Variants in IDUA observed in about 807,000 individuals in gnomAD.
The protein encoded by IDUA is iduronidase alpha-L-.
IDUA carries 65 observed loss-of-function variants against 68.9 expected under a neutral mutation model. That is an observed-to-expected ratio of 0.94 (90% CI 0.77 to 1.16). The LOEUF (loss-of-function observed/expected upper bound fraction) is 1.16. Ranked by LOEUF, IDUA falls within the 50% of genes most tolerant of loss-of-function variation. The pLI, the probability that IDUA is intolerant of heterozygous loss-of-function variation, is 0.00. For synonymous variants in IDUA, 529 were observed against 433.6 expected (o/e 1.22, Z -2.73); for missense variants, 1,046 against 938.0 (o/e 1.12, Z -1.50).
intron 2 of IDUA, 131 bp from the exon 3 acceptor site, chr4:1,000,481 C>A: frequency 2.7e-6 from 2 of 748,654 alleles, no homozygotes; most frequent in South Asian, 1.5e-5. Context: ...AAGGGCCCCT[C>A]GGGAAGCCGG....
rs370892322 is a variant in IDUA, at chr4:988,573, C to T, written c.299+624C>T. On this transcript the variant is annotated intron_variant, in intron 2 of 13. Transcript: ENST00000514224. ...GGCCCATCCCTCCTGAGCTGAGGGA[C>T]GGTGCATTGGGGCCCAGCCAGCACT... The T allele has an allele frequency of 3.8e-4, 500 of 1,327,224 alleles. 3 individuals are homozygous for T. Among genetic ancestry groups the T allele is most frequent in the East Asian group, 7.8e-4 (26 of 33,430 alleles). The allele number at this position is 1,327,224 out of a possible 1,614,324, so 82.2% of individuals were successfully genotyped here.
rs760137408 is a variant in IDUA, at chr4:1,002,303, A to C, written c.1007A>C (p.Asn336Thr). Residue 336 changes from asparagine to threonine, a missense_variant, in exon 8 of 14, where the codon AAC (asparagine) becomes ACC (threonine). Asn to Thr is a moderately conservative substitution (Grantham distance 65, BLOSUM62 0). Coordinates refer to ENST00000514224, the MANE Select transcript of IDUA (RefSeq NM_000203.5). ...CAGCATCAGAACCTGCTACTGGCCA[A>C]CACCACCTCCGCCTTCCCCTACGCG... ...IAQHQNLLLA[N>T]TTSAFPYALL... 9.3e-6 allele frequency: 15 copies of C among 1,612,792 alleles called. No individual in the cohort carries two copies. The Admixed American group carries it at 2.2e-4, about 23-fold the overall frequency.
chr4:1,001,438 T>A (rs1715065405), intron 4 of IDUA, 30 bp from the exon 5 acceptor site: 2 of 1,593,092 alleles, frequency 1.3e-6, no homozygotes, highest in African/African-American at 2.7e-5. Context: ...GATTCACCTG[T>A]GCTGGGGGGA....
chr4:993,914 C>T (rs1714564465), intron 2 of IDUA, among the ~76,000 whole-genome samples: 1 of 152,174 alleles, frequency 6.6e-6, no homozygotes, highest in Non-Finnish European at 1.5e-5. Flanking sequence ...TGCTCACCGC[C>T]CAGGGCGAGG....
intron 2 of IDUA, chr4:990,840 T>C: frequency 2.1e-6 from 1 of 467,174 alleles, no homozygotes; most frequent in South Asian, 3.5e-5. Context: ...ATGGCCTCAG[T>C]CCAGCACCAC....
At chr4:994,743 T>A (rs1714638540) in intron 2 of IDUA, among the ~76,000 whole-genome samples, 1 of 149,650 alleles carries the variant, frequency 6.7e-6, no homozygotes, top group Admixed American at 6.6e-5. Flanking sequence ...GGCCGCCCCC[T>A]GCCCCCCAAC....
rs965431982 is a variant in IDUA, at chr4:1,004,303, C to T, written c.1872C>T (p.Asp624=). The stretch of plus-strand genomic sequence containing the variant: ...GCTCCTACCGAGTTCGAGCCCTGGA[C>T]TACTGGGCCCGACCAGGCCCCTTCT... ...VSGSYRVRAL[D]YWARPGPFSD... is the part of the protein sequence containing the mutation. The change falls in exon 14 of 14, where the codon GAC becomes GAT. Residue 624 remains aspartate, a synonymous_variant. Coordinates refer to ENST00000514224, the MANE Select transcript of IDUA (RefSeq NM_000203.5). The surrounding 1 kb of genome is among the most constrained non-coding windows in gnomAD (Gnocchi z 5.0). 3.1e-6 allele frequency: 5 copies of T among 1,611,224 alleles called. No homozygotes were observed. The African/African-American group carries it at 5.3e-5, about 17-fold the overall frequency.
In IDUA at chr4:1,004,459, C is replaced by T. The variant is rs529309396; in HGVS notation, c.*66C>T. On this transcript the variant is annotated 3_prime_UTR_variant, in exon 14 of 14. Transcript: ENST00000514224. This position sits in a 1 kb window ranked among gnomAD's most constrained non-coding sequence, Gnocchi z 5.0. The stretch of plus-strand genomic sequence containing the variant: ...TCAGCGAGCTGGGGCTGCACTGTGC[C>T]CATGCTGCCCTCCCATCACCCCCTT... 2 of 1,522,510 alleles carry T rather than the reference C, an allele frequency of 1.3e-6. No individual in the cohort carries two copies. The highest frequency in any genetic ancestry group is 1.7e-5 in the Admixed American group (1 of 59,148). 94.3% of individuals were successfully genotyped at this position (1,522,510 alleles called of 1,614,324 possible).
chr4:1,001,095 G>C, intron 4 of IDUA, 106 bp downstream of exon 4: 1 of 801,204 alleles, frequency 1.2e-6, no homozygotes, highest in East Asian at 2.6e-5. Flanking sequence ...ACATTGGTGG[G>C]CAGGCGCAGG....
At chr4:1,002,615 G>A in intron 8 of IDUA, 117 bp from the exon 9 acceptor site, 2 of 1,149,886 alleles carry the variant, frequency 1.7e-6, no homozygotes, top group Non-Finnish European at 2.3e-6. Context: ...CCGCGTGGCG[G>A]GGCCTGGGGA....
chr4:990,780 T>C (rs1239146557), intron 2 of IDUA: 4 of 380,066 alleles, frequency 1.1e-5, no homozygotes, highest in African/African-American at 6.3e-5. Flanking sequence ...CCTTCGGGGG[T>C]GGGGAGGCCA....
At chr4:991,269 GC>G in intron 2 of IDUA, 1 of 1,612,680 alleles carries the variant, frequency 6.2e-7, no homozygotes, top group Non-Finnish European at 8.5e-7. Flanking sequence ...AGGGGTCAAA[GC>G]CGGCCAGCTG....
chr4:1,003,582 G>C lies in IDUA; in HGVS notation c.1684G>C (p.Gly562Arg), dbSNP rs1715258503. ...GCTCCGCGCCCTGCCCCTGACCCAAGGGCAGCTGGTTCTGGTCTGGTCGGA... is the reference window on the plus strand; with the variant it reads ...GCTCCGCGCCCTGCCCCTGACCCAACGGCAGCTGGTTCTGGTCTGGTCGGA... ...TRLRALPLTQ[G>R]QLVLVWSDEH... Residue 562 changes from glycine (G) to arginine (R), a missense_variant, in exon 12 of 14, where the codon GGG becomes CGG. Coordinates refer to ENST00000514224, the MANE Select transcript of IDUA (RefSeq NM_000203.5). 1.2e-6 allele frequency: 2 copies of C among 1,612,348 alleles called. No individual in the cohort carries two copies. The highest frequency in any genetic ancestry group is 1.7e-6 in the Non-Finnish European group (2 of 1,179,798).
intron 8 of IDUA, 27 bp from the exon 9 acceptor site, chr4:1,002,689 GGGCAACGACCCCACGC>G: frequency 7.3e-7 from 1 of 1,364,486 alleles, no homozygotes; most frequent in Non-Finnish European, 9.8e-7. Flanking sequence ...GGGGGCGGCT[GGGCAACGACCCCACGC>G]GGCGACGGCC....
intron 2 of IDUA, among the ~76,000 whole-genome samples, chr4:992,476 C>G (rs1017743046): frequency 1.3e-5 from 2 of 152,230 alleles, no homozygotes; most frequent in Non-Finnish European, 2.9e-5. Flanking sequence ...TCCGCCTGGA[C>G]TTGGGACAGA....
At chr4:991,289 G>C (rs552862956) in intron 2 of IDUA, 1 of 1,612,676 alleles carries the variant, frequency 6.2e-7, no homozygotes. Context: ...TGGAGCTCCC[G>C]GTCCACCACC....
chr4:999,104 C>T (rs1009647301), intron 2 of IDUA, among the ~76,000 whole-genome samples: 1 of 151,764 alleles, frequency 6.6e-6, no homozygotes, highest in Admixed American at 6.6e-5. Flanking sequence ...ACTCAGGAGG[C>T]TGAGGCAGGA....
chr4:990,478 G>A, intron 2 of IDUA: 3 of 1,047,494 alleles, frequency 2.9e-6, no homozygotes, highest in South Asian at 1.7e-5. Context: ...ACAATTCTGT[G>A]TTGCGGCCCC....
chr4:988,187 G>T (rs755122178), intron 2 of IDUA: 1 of 1,369,530 alleles, frequency 7.3e-7, no homozygotes, highest in East Asian at 2.8e-5. Context: ...GGTTGGCTGC[G>T]CCGCACCTGG....
Sources: allele counts gnomAD v4.1 joint callset (sites outside exome capture counted in the v4.1 genomes callset), GRCh38; gene constraint gnomAD v4.1.1; non-coding constraint Gnocchi (gnomAD v3.1); transcripts MANE v1.5; gene names NCBI Gene and HGNC (gene_info 2026-07-23, HGNC 2026-07-21).